Variants in MACROD2 observed in about 807,000 individuals in gnomAD.
The protein encoded by MACROD2 is ADP-ribose glycohydrolase MACROD2.
In MACROD2, 36 loss-of-function variants were observed where a neutral mutation model predicts 70.4. The ratio of observed to expected loss-of-function variants is 0.51; its 90% CI spans 0.39 to 0.68. The LOEUF (loss-of-function observed/expected upper bound fraction) is 0.68, where lower values mean the gene tolerates loss of function less well. Among genes scored for constraint, MACROD2 ranks in the 30% least tolerant of loss-of-function variants. The pLI is 0.00. For missense variants in MACROD2, 496 were observed against 538.4 expected (o/e 0.92, Z 0.78); for synonymous variants, 172 against 178.8 (o/e 0.96, Z 0.30).
At chr20:14,799,574 A>G (rs149439830) in intron 5 of MACROD2, among the ~76,000 whole-genome samples, 2 of 152,256 alleles carry the variant, frequency 1.3e-5, no homozygotes, top group African/African-American at 4.8e-5. Flanking sequence ...AAAAATAGGC[A>G]TGGCATTGCC....
intron 5 of MACROD2, among the ~76,000 whole-genome samples, chr20:14,827,527 C>G (rs1305106205): frequency 1.3e-5 from 2 of 151,930 alleles, no homozygotes; most frequent in African/African-American, 2.4e-5. Flanking sequence ...ACTTTAGTCA[C>G]TTAATCAAAA....
intron 8 of MACROD2, among the ~76,000 whole-genome samples, chr20:15,535,164 A>G (rs2047857496): frequency 6.6e-6 from 1 of 151,968 alleles, no homozygotes; most frequent in South Asian, 2.1e-4. Context: ...TTTTGTAGAG[A>G]TGGGGTCATG....
Position 16,017,917 on chromosome 20 carries a change from G to A in MACROD2, c.1154-23284G>A, listed in dbSNP as rs145379777. On this transcript the variant is annotated intron_variant, in intron 15 of 17. Coordinates refer to ENST00000684519, the MANE Select transcript of MACROD2 (RefSeq NM_001351661.2). ...GCTGAAATGATATATTTGTGAGTCT[G>A]TCTCCCACAGAGTCTGGGAGAACCT... Among the ~76,000 whole-genome samples the A allele has an allele frequency of 3.7e-3, 564 of 152,282 alleles. 4 individuals carry two copies. Among genetic ancestry groups the A allele is most frequent in the African/African-American group, 0.013 (535 of 41,558 alleles).
chr20:15,603,504 CAA>C (rs35734719), intron 8 of MACROD2, among the ~76,000 whole-genome samples: 7,073 of 97,914 alleles, frequency 0.072, 304 homozygotes, highest in African/African-American at 0.16. Flanking sequence ...TGAGACGTCT[CAA>C]AAAAAAAAAA....
At chr20:14,570,146 A>G (rs1404517564) in intron 4 of MACROD2, among the ~76,000 whole-genome samples, 1 of 152,092 alleles carries the variant, frequency 6.6e-6, no homozygotes, top group African/African-American at 2.4e-5. Flanking sequence ...GTGGTACACT[A>G]TTACAAAAAA....
At chr20:14,472,321 C>T (rs780908474) in intron 3 of MACROD2, among the ~76,000 whole-genome samples, 50 of 151,948 alleles carry the variant, frequency 3.3e-4, no homozygotes, top group Non-Finnish European at 5.9e-4. Flanking sequence ...TTCATTTGTT[C>T]GTTCCTGTTT....
intron 4 of MACROD2, among the ~76,000 whole-genome samples, chr20:14,514,206 G>C (rs1175158938): frequency 6.6e-6 from 1 of 152,110 alleles, no homozygotes; most frequent in Non-Finnish European, 1.5e-5. Flanking sequence ...TATGAACATA[G>C]CAGGCCACTG....
rs576181451 is a variant in MACROD2 at position 15,293,998 on chromosome 20, TA to T, written c.540+63939del. ...AGCTGGGCGTGGTGATGGGCACCTG[TA>T]ACCCCAGCTACTTCGGGAGGCTGAG... On this transcript the variant is annotated intron_variant, in intron 6 of 17. Coordinates refer to ENST00000684519, the MANE Select transcript of MACROD2 (RefSeq NM_001351661.2). 1.8e-4 allele frequency among the ~76,000 whole-genome samples: 27 copies of T among 151,832 alleles called. No individual in the cohort carries two copies. In the East Asian group the frequency reaches 3.1e-3, roughly 17 times the overall value.
chr20:14,932,986 T>C (rs1600844058), intron 5 of MACROD2, among the ~76,000 whole-genome samples: 1 of 152,196 alleles, frequency 6.6e-6, no homozygotes, highest in Non-Finnish European at 1.5e-5. Flanking sequence ...TCTTTTCTTT[T>C]ATATAGACAA....
chr20:16,004,358 T>C (rs2066757768), intron 15 of MACROD2, among the ~76,000 whole-genome samples: 1 of 152,142 alleles, frequency 6.6e-6, no homozygotes, highest in Admixed American at 6.5e-5. Context: ...GGACTGTGTT[T>C]GTTTATTGGA....
chr20:14,564,805 T>C (rs1979668573), intron 4 of MACROD2, among the ~76,000 whole-genome samples: 2 of 151,944 alleles, frequency 1.3e-5, no homozygotes, highest in South Asian at 4.1e-4. Flanking sequence ...AAAATAGAAC[T>C]ATCATACTAT....
intron 5 of MACROD2, among the ~76,000 whole-genome samples, chr20:15,001,874 C>T (rs1357807786): frequency 6.6e-6 from 1 of 151,888 alleles, no homozygotes; most frequent in African/African-American, 2.4e-5. Flanking sequence ...TCATCCTTTC[C>T]CCCAAGTCCC....
chr20:14,588,690 A>C (rs116419815), intron 4 of MACROD2, among the ~76,000 whole-genome samples: 185 of 152,192 alleles, frequency 1.2e-3, no homozygotes, highest in African/African-American at 4.4e-3. Flanking sequence ...TCTTGAACTC[A>C]TGACCTTGTG....
Position 15,961,452 on chromosome 20 carries a change from G to A in MACROD2, c.908-6101G>A, listed in dbSNP as rs144575661. 2.2e-4 allele frequency among the ~76,000 whole-genome samples: 34 copies of A among 152,272 alleles called. No individual in the cohort carries two copies. The East Asian group carries it at 4.8e-3, about 22-fold the overall frequency. On this transcript the variant is annotated intron_variant, in intron 12 of 17. Coordinates refer to ENST00000684519, the MANE Select transcript of MACROD2 (RefSeq NM_001351661.2). ...TCCTTGAAATTCTTGGATCTCAGCA[G>A]CAACACTCAGCCACACTTTCCAAGT...
chr20:14,605,206 T>C (rs1359834194), intron 4 of MACROD2, among the ~76,000 whole-genome samples: 1 of 152,164 alleles, frequency 6.6e-6, no homozygotes, highest in Non-Finnish European at 1.5e-5. Context: ...CAGAAATGTA[T>C]TGTTTCACCG....
intron 6 of MACROD2, among the ~76,000 whole-genome samples, chr20:15,277,407 C>T (rs2077403268): frequency 6.6e-6 from 1 of 152,112 alleles, no homozygotes; most frequent in Non-Finnish European, 1.5e-5. Flanking sequence ...AGGTTTTAAC[C>T]TTGAATAATG....
At chr20:14,500,220 G>T (rs1050349368) in intron 4 of MACROD2, among the ~76,000 whole-genome samples, 1 of 152,212 alleles carries the variant, frequency 6.6e-6, no homozygotes, top group Non-Finnish European at 1.5e-5. Context: ...GTCCCAGCAT[G>T]CCACTTAAAA....
chr20:15,377,165 C>T (rs917508608), intron 6 of MACROD2, among the ~76,000 whole-genome samples: 4 of 152,170 alleles, frequency 2.6e-5, no homozygotes, highest in Non-Finnish European at 5.9e-5. Context: ...GCAGGGATTA[C>T]AGGCATAAGC....
intron 5 of MACROD2, among the ~76,000 whole-genome samples, chr20:15,167,334 A>T (rs1053964107): frequency 6.6e-6 from 1 of 152,150 alleles, no homozygotes; most frequent in Admixed American, 6.6e-5. Context: ...GTATTTGTGA[A>T]AACTCATAAC....
Sources: allele counts gnomAD v4.1 joint callset (sites outside exome capture counted in the v4.1 genomes callset), GRCh38; gene constraint gnomAD v4.1.1; transcripts MANE v1.5; gene names NCBI Gene and HGNC (gene_info 2026-07-23, HGNC 2026-07-21).